Variants in GRIA4 observed in about 807,000 individuals in gnomAD.
The protein encoded by GRIA4 is glutamate ionotropic receptor AMPA type subunit 4.
A neutral mutation model predicts 104.0 loss-of-function variants in GRIA4; 34 were observed. That is an observed-to-expected ratio of 0.33 (90% confidence interval 0.25 to 0.44). The LOEUF is 0.44. GRIA4 is among the 20% of genes least tolerant of loss of function. GRIA4 has a pLI of 1.00. For missense variants in GRIA4, 750 were observed against 1,096.5 expected (o/e 0.68, Z 4.46); for synonymous variants, 386 against 381.9 (o/e 1.01, Z -0.13).
At chr11:105,731,729 G>A (rs1053244660) in intron 3 of GRIA4, among the ~76,000 whole-genome samples, 1 of 152,080 alleles carries the variant, frequency 6.6e-6, no homozygotes. Flanking sequence ...ACTTTGCAGG[G>A]ACATGGATGA....
chr11:105,903,377 C>T (rs993980809), intron 7 of GRIA4, among the ~76,000 whole-genome samples: 12 of 152,106 alleles, frequency 7.9e-5, no homozygotes, highest in East Asian at 7.7e-4. Context: ...TCTCAGGGAA[C>T]CTTGCTAGGC....
rs943153964 is a variant in GRIA4 at position 105,638,577 on chromosome 11, C to T, written c.247+26143C>T. The stretch of plus-strand genomic sequence containing the variant: ...TGTGTGTGTGTGTGTTTTCTCCATA[C>T]TAGTTTCTCCCATAGCAGTGCATAT... On this transcript the variant is annotated intron_variant, in intron 3 of 16. Transcript: ENST00000282499. 2.0e-5 allele frequency among the ~76,000 whole-genome samples: 3 copies of T among 151,606 alleles called. No homozygotes were observed. The South Asian group carries it at 6.2e-4, about 32-fold the overall frequency.
intron 3 of GRIA4, among the ~76,000 whole-genome samples, chr11:105,730,479 T>G (rs1211961334): frequency 6.6e-6 from 1 of 152,176 alleles, no homozygotes; most frequent in African/African-American, 2.4e-5. Context: ...TTCAATGCTA[T>G]TCCCATTAAG....
intron 3 of GRIA4, among the ~76,000 whole-genome samples, chr11:105,616,193 A>T (rs1014333443): frequency 6.6e-5 from 10 of 151,244 alleles, no homozygotes; most frequent in African/African-American, 2.4e-4. Flanking sequence ...TTTTAAAGTG[A>T]TTTTTTTATC....
At chr11:105,647,681 A>G (rs1484362942) in intron 3 of GRIA4, among the ~76,000 whole-genome samples, 2 of 152,198 alleles carry the variant, frequency 1.3e-5, no homozygotes, top group East Asian at 1.9e-4. Flanking sequence ...TCTTCAGCAA[A>G]CTAATGCAGG....
intron 3 of GRIA4, among the ~76,000 whole-genome samples, chr11:105,736,071 A>T (rs1258448420): frequency 1.3e-5 from 2 of 152,186 alleles, no homozygotes; most frequent in Admixed American, 1.3e-4. Flanking sequence ...AATGCTTAAA[A>T]ATTAGAAGAA....
intron 3 of GRIA4, among the ~76,000 whole-genome samples, chr11:105,632,388 G>T (rs1338189785): frequency 1.3e-5 from 2 of 152,108 alleles, no homozygotes; most frequent in African/African-American, 2.4e-5. Flanking sequence ...CTGCTTTAAT[G>T]TCTGTCCCCA....
chr11:105,637,332 A>T (rs76381558), intron 3 of GRIA4, among the ~76,000 whole-genome samples: 3,400 of 152,280 alleles, frequency 0.022, 63 homozygotes, highest in Non-Finnish European at 0.034. Flanking sequence ...ATTTTATTAT[A>T]ATATAATTGC....
At chr11:105,971,157 C>T (rs1037802773) in intron 14 of GRIA4, among the ~76,000 whole-genome samples, 3 of 151,936 alleles carry the variant, frequency 2.0e-5, no homozygotes, top group African/African-American at 7.3e-5. Context: ...ACTTAAAGTA[C>T]ATTAATATGC....
At chr11:105,722,432 C>G (rs1234131361) in intron 3 of GRIA4, among the ~76,000 whole-genome samples, 2 of 152,016 alleles carry the variant, frequency 1.3e-5, no homozygotes, top group East Asian at 1.9e-4. Context: ...TACTTATAAT[C>G]GGTTTGTGGA....
intron 4 of GRIA4, among the ~76,000 whole-genome samples, chr11:105,854,352 C>CCCAT (rs1460101340): frequency 1.3e-5 from 2 of 152,270 alleles, no homozygotes; most frequent in East Asian, 3.9e-4. Context: ...ACCCTGAAGA[C>CCCAT]CCATCTTGGG....
chr11:105,805,397 T>C (rs956458879), intron 4 of GRIA4, among the ~76,000 whole-genome samples: 8 of 146,858 alleles, frequency 5.4e-5, no homozygotes, highest in African/African-American at 2.0e-4. Context: ...AACAATTAAG[T>C]CTCTAAAATA....
At chr11:105,676,049 A>G (rs1214091154) in intron 3 of GRIA4, among the ~76,000 whole-genome samples, 3 of 151,796 alleles carry the variant, frequency 2.0e-5, no homozygotes, top group Non-Finnish European at 4.4e-5. Flanking sequence ...ATGAACACCT[A>G]TGAATCTTGT....
At chr11:105,621,270 A>G (rs1176534966) in intron 3 of GRIA4, among the ~76,000 whole-genome samples, 1 of 151,664 alleles carries the variant, frequency 6.6e-6, no homozygotes, top group Non-Finnish European at 1.5e-5. Context: ...TAAAACTCAC[A>G]CATACTTGTA....
intron 14 of GRIA4, chr11:105,966,086 G>T (rs758003029): frequency 6.7e-7 from 1 of 1,497,052 alleles, no homozygotes; most frequent in Non-Finnish European, 9.3e-7. Flanking sequence ...CACCAAAAGC[G>T]GGTAAACAGT....
chr11:105,848,177 C>G (rs909586500), intron 4 of GRIA4, among the ~76,000 whole-genome samples: 1 of 151,988 alleles, frequency 6.6e-6, no homozygotes, highest in African/African-American at 2.4e-5. Flanking sequence ...AAAAAAATAG[C>G]CTTTGTCTAA....
chr11:105,697,955 T>C (rs1258008525), intron 3 of GRIA4, among the ~76,000 whole-genome samples: 1 of 152,162 alleles, frequency 6.6e-6, no homozygotes, highest in African/African-American at 2.4e-5. Context: ...CACCTTTAAG[T>C]GCCTTTTCTT....
chr11:105,809,576 G>A, intron 4 of GRIA4, among the ~76,000 whole-genome samples: 1 of 152,180 alleles, frequency 6.6e-6, no homozygotes, highest in East Asian at 1.9e-4. Context: ...CCCCTATGCT[G>A]TCGCGTGATA....
At chr11:105,949,334 C>T (rs1029018290) in intron 14 of GRIA4, among the ~76,000 whole-genome samples, 2 of 152,132 alleles carry the variant, frequency 1.3e-5, no homozygotes, top group African/African-American at 4.8e-5. Flanking sequence ...TTGCCCAGAA[C>T]ACTATTCTTT....
Sources: gnomAD v4.1 joint callset for allele counts (sites outside exome capture counted in the v4.1 genomes callset) on GRCh38, gnomAD v4.1.1 for gene constraint, MANE v1.5 for transcripts, NCBI Gene and HGNC (gene_info 2026-07-23, HGNC 2026-07-21) for gene names.